HNRNPA1L2: variants seen among roughly 807,000 people sequenced by gnomAD.
HNRNPA1L2 encodes heterogeneous nuclear ribonucleoprotein A1-like 2.
Under a neutral mutation model 18.2 loss-of-function variants are expected in HNRNPA1L2, and 10 were observed. The ratio of observed to expected loss-of-function variants is 0.55; its 90% CI spans 0.34 to 0.93. The LOEUF (loss-of-function observed/expected upper bound fraction) is 0.93. Among genes scored for constraint, HNRNPA1L2 ranks in the 40% least tolerant of loss-of-function variants. The pLI, the probability that HNRNPA1L2 is intolerant of heterozygous loss-of-function variation, is 0.02. For missense variants in HNRNPA1L2, 308 were observed against 394.4 expected (o/e 0.78, Z 1.85); for synonymous variants, 124 against 138.6 (o/e 0.89, Z 0.74).
chr13:52,625,057 G>A, the HNRNPA1L2 span, among the ~76,000 whole-genome samples: 5 of 150,896 alleles, frequency 3.3e-5, no homozygotes, highest in Non-Finnish European at 7.4e-5. Context: ...TTATGAAGGG[G>A]AAAAGTATGT....
chr13:52,643,201 T>C lies in HNRNPA1L2; in HGVS notation c.709T>C (p.Tyr237His). Residue 237 changes from tyrosine to histidine, a missense_variant, in exon 1 of 1, where the codon TAT (tyrosine) becomes CAT (histidine). Coordinates refer to ENST00000357495, the MANE Select transcript of HNRNPA1L2 (RefSeq NM_001389320.1). ...TGGTGGCAGCTGTGGTGGTGGTGGATATGGTGGCAGTGGGGATGGCTATAA... is the reference window on the plus strand; with the variant it reads ...TGGTGGCAGCTGTGGTGGTGGTGGACATGGTGGCAGTGGGGATGGCTATAA... ...GFGGSCGGGG[Y>H]GGSGDGYNGF... 2 of 1,597,454 alleles carry C rather than the reference T, an allele frequency of 1.3e-6. No homozygotes were observed. The highest frequency in any genetic ancestry group is 1.7e-6 in the Non-Finnish European group (2 of 1,179,718).
At chr13:52,631,107 C>A in the HNRNPA1L2 span, among the ~76,000 whole-genome samples, 1 of 152,022 alleles carries the variant, frequency 6.6e-6, no homozygotes, top group Non-Finnish European at 1.5e-5. Context: ...AGTTGTTCAC[C>A]CTGATATGAC....
chr13:52,625,489 T>C, the HNRNPA1L2 span, among the ~76,000 whole-genome samples: 2 of 152,210 alleles, frequency 1.3e-5, no homozygotes. Context: ...AAAATTATCT[T>C]GTTCAATGAC....
the HNRNPA1L2 span, among the ~76,000 whole-genome samples, chr13:52,625,268 C>G: frequency 6.6e-6 from 1 of 151,938 alleles, no homozygotes; most frequent in Non-Finnish European, 1.5e-5. Context: ...GTGCACTCCA[C>G]AATGCCTGGC....
chr13:52,641,879 AAGTC>A (rs1961668475), upstream of HNRNPA1L2: 1 of 152,152 alleles, frequency 6.6e-6, no homozygotes, highest in Admixed American at 6.5e-5. Flanking sequence ...ACAAAACAAA[AAGTC>A]AGGAGTTTGG....
the HNRNPA1L2 span, among the ~76,000 whole-genome samples, chr13:52,627,060 T>G: frequency 6.6e-6 from 1 of 152,204 alleles, no homozygotes; most frequent in Non-Finnish European, 1.5e-5. Context: ...CAACAGACCT[T>G]AGGTTGGTTC....
the HNRNPA1L2 span, among the ~76,000 whole-genome samples, chr13:52,618,861 T>C: frequency 6.6e-6 from 1 of 152,220 alleles, no homozygotes; most frequent in Non-Finnish European, 1.5e-5. Context: ...GTTAGTGTTA[T>C]GGAGTTACTT....
At chr13:52,630,598 C>T in the HNRNPA1L2 span, among the ~76,000 whole-genome samples, 1 of 152,118 alleles carries the variant, frequency 6.6e-6, no homozygotes, top group Non-Finnish European at 1.5e-5. Context: ...AGGATATGCT[C>T]ACAGTTGGAG....
At chr13:52,623,415 A>G in the HNRNPA1L2 span, among the ~76,000 whole-genome samples, 14 of 152,194 alleles carry the variant, frequency 9.2e-5, no homozygotes, top group Non-Finnish European at 1.3e-4. Flanking sequence ...GCTATCTCAC[A>G]TTCTTGCTCC....
At chr13:52,623,810 A>T in the HNRNPA1L2 span, among the ~76,000 whole-genome samples, 1 of 152,322 alleles carries the variant, frequency 6.6e-6, no homozygotes, top group East Asian at 1.9e-4. Context: ...TTCACTCATT[A>T]TGCTCACAGA....
chr13:52,637,564 G>A (rs1961500653), upstream of HNRNPA1L2: 10 of 152,562 alleles, frequency 6.6e-5, no homozygotes, highest in South Asian at 2.1e-3. Flanking sequence ...ATATCTTCGC[G>A]GTGTCCTAAA....
At chr13:52,634,761 A>G in the HNRNPA1L2 span, among the ~76,000 whole-genome samples, 1 of 152,196 alleles carries the variant, frequency 6.6e-6, no homozygotes. Flanking sequence ...GTCGACAGGC[A>G]GTATAGCTCA....
At chr13:52,628,061 T>A in the HNRNPA1L2 span, among the ~76,000 whole-genome samples, 1 of 152,098 alleles carries the variant, frequency 6.6e-6, no homozygotes, top group African/African-American at 2.4e-5. Context: ...CTGCCTACAT[T>A]GTAGTAAGTG....
the HNRNPA1L2 span, among the ~76,000 whole-genome samples, chr13:52,626,697 CT>C: frequency 4.1e-5 from 6 of 147,716 alleles, no homozygotes; most frequent in Non-Finnish European, 3.0e-5. Context: ...TGATTGATGG[CT>C]TTTTTTTTTC....
At chr13:52,642,416 A>G (rs1961686616), upstream of HNRNPA1L2, 1 of 1,560,824 alleles carries the variant, frequency 6.4e-7, no homozygotes, top group East Asian at 2.2e-5. Context: ...CTTCATATCT[A>G]AGATCTCTGG....
At chr13:52,629,671 A>C in the HNRNPA1L2 span, among the ~76,000 whole-genome samples, 1 of 152,176 alleles carries the variant, frequency 6.6e-6, no homozygotes, top group Admixed American at 6.5e-5. Context: ...AGTATTTTGT[A>C]AGAAACATTA....
chr13:52,639,420 G>A (rs1333157635), upstream of HNRNPA1L2, among the ~76,000 whole-genome samples: 3 of 152,150 alleles, frequency 2.0e-5, no homozygotes, highest in Admixed American at 1.3e-4. Context: ...AGAAGCACCT[G>A]TAGAGGTCTG....
Position 52,642,457 on chromosome 13 carries a change from AG to A in HNRNPA1L2, c.-35del, listed in dbSNP as rs757565624. 20 of 1,609,430 alleles carry A rather than the reference AG, an allele frequency of 1.2e-5. No homozygotes were observed. The highest frequency in any genetic ancestry group is 1.6e-5 in the Non-Finnish European group (19 of 1,178,822). ...TTTTTCTGCCCGTGGACGCCGCTGA[AG>A]AAGCATCGTTAAAGTCTCTCTTCAC... is the stretch of plus-strand genomic sequence containing the variant. On this transcript the variant is annotated 5_prime_UTR_variant, in exon 1 of 1. Transcript: ENST00000357495.
the HNRNPA1L2 span, among the ~76,000 whole-genome samples, chr13:52,633,423 C>G: frequency 1.3e-5 from 2 of 151,968 alleles, no homozygotes; most frequent in African/African-American, 4.8e-5. Flanking sequence ...AATGAGTGTC[C>G]TCTTGCTTGG....
Sources: gnomAD v4.1 joint callset for allele counts (sites outside exome capture counted in the v4.1 genomes callset) on GRCh38, gnomAD v4.1.1 for gene constraint, MANE v1.5 for transcripts, NCBI Gene and HGNC (gene_info 2026-07-23, HGNC 2026-07-21) for gene names.